SORCS3: variants seen among roughly 807,000 people sequenced by gnomAD.
SORCS3 encodes the protein VPS10 domain-containing receptor SorCS3.
A neutral mutation model predicts 146.3 loss-of-function variants in SORCS3; 57 were observed. The observed-to-expected ratio is 0.39, with a 90% confidence interval of 0.31 to 0.49. SORCS3 has a LOEUF of 0.49. Among genes scored for constraint, SORCS3 ranks in the 20% least tolerant of loss-of-function variants. SORCS3 has a pLI of 0.92. For missense variants in SORCS3, 1,341 were observed against 1,575.5 expected (o/e 0.85, Z 2.52); for synonymous variants, 653 against 618.5 (o/e 1.06, Z -0.83).
chr10:104,892,135 G>C (rs898804013), intron 2 of SORCS3, among the ~76,000 whole-genome samples: 3 of 152,178 alleles, frequency 2.0e-5, no homozygotes, highest in Non-Finnish European at 4.4e-5. Context: ...ATTCCAGCTT[G>C]ATGGTTAAAA....
chr10:105,044,752 G>C (rs754964661), intron 5 of SORCS3, among the ~76,000 whole-genome samples: 2 of 151,674 alleles, frequency 1.3e-5, no homozygotes, highest in Non-Finnish European at 2.9e-5. Context: ...GTAGTTGTGA[G>C]AGAAAAGGGA....
At chr10:104,649,131 G>T (rs1286883111) in intron 1 of SORCS3, among the ~76,000 whole-genome samples, 7 of 152,158 alleles carry the variant, frequency 4.6e-5, no homozygotes, top group African/African-American at 1.7e-4. Context: ...TTTGTGGAGA[G>T]ATTTCATCAT....
At chr10:104,907,947 T>G (rs982915265) in intron 2 of SORCS3, among the ~76,000 whole-genome samples, 3 of 152,256 alleles carry the variant, frequency 2.0e-5, no homozygotes, top group African/African-American at 7.2e-5. Context: ...TTAATGTGAC[T>G]TTGGGCACTG....
intron 1 of SORCS3, among the ~76,000 whole-genome samples, chr10:104,759,381 C>T (rs923495278): frequency 6.6e-6 from 1 of 152,154 alleles, no homozygotes; most frequent in African/African-American, 2.4e-5. Context: ...TCTTAGCAAA[C>T]TCATACACAG....
intron 1 of SORCS3, among the ~76,000 whole-genome samples, chr10:104,776,960 G>T (rs2017315768): frequency 6.6e-6 from 1 of 151,184 alleles, no homozygotes; most frequent in Non-Finnish European, 1.5e-5. Context: ...GAACAAAAAA[G>T]GTACATAAGG....
chr10:104,932,755 C>A (rs529472162), intron 3 of SORCS3, among the ~76,000 whole-genome samples: 1 of 152,122 alleles, frequency 6.6e-6, no homozygotes, highest in African/African-American at 2.4e-5. Context: ...TGCAGTAGAG[C>A]GATCATAGCT....
chr10:105,103,186 T>C (rs1158306408), intron 6 of SORCS3, among the ~76,000 whole-genome samples: 4 of 152,170 alleles, frequency 2.6e-5, no homozygotes, highest in Admixed American at 6.5e-5. Context: ...AATAGGCGAA[T>C]GTTTGCATTT....
intron 2 of SORCS3, among the ~76,000 whole-genome samples, chr10:104,877,808 G>A (rs978325000): frequency 1.3e-5 from 2 of 152,164 alleles, no homozygotes; most frequent in Non-Finnish European, 2.9e-5. Flanking sequence ...ATTTTCCTAA[G>A]TTTTAAAACA....
chr10:104,979,255 T>C (rs1242021701), intron 4 of SORCS3, among the ~76,000 whole-genome samples: 1 of 152,210 alleles, frequency 6.6e-6, no homozygotes, highest in East Asian at 1.9e-4. Flanking sequence ...AATGAATTAG[T>C]GGATGAATGC....
chr10:104,715,578 G>T (rs935281599), intron 1 of SORCS3, among the ~76,000 whole-genome samples: 2 of 152,098 alleles, frequency 1.3e-5, no homozygotes, highest in Admixed American at 1.3e-4. Context: ...GTTTCTGTTT[G>T]TCTGGAGAAC....
intron 1 of SORCS3, among the ~76,000 whole-genome samples, chr10:104,761,633 A>G (rs537391080): frequency 1.3e-5 from 2 of 152,300 alleles, no homozygotes; most frequent in East Asian, 1.9e-4. Context: ...TTGACAGTCT[A>G]ATCTCCCCTT....
chr10:105,164,776 T>C (rs567354701), intron 12 of SORCS3, among the ~76,000 whole-genome samples: 1 of 152,304 alleles, frequency 6.6e-6, no homozygotes, highest in South Asian at 2.1e-4. Flanking sequence ...AATGCAAGGA[T>C]TGGAACATTA....
At chr10:105,205,022 C>A (rs2056594397) in intron 16 of SORCS3, among the ~76,000 whole-genome samples, 1 of 152,178 alleles carries the variant, frequency 6.6e-6, no homozygotes, top group African/African-American at 2.4e-5. Flanking sequence ...GCTAAGGCAT[C>A]TGAAATACCC....
At position 104,894,654 on chromosome 10, in the gene SORCS3, T is replaced by A. The variant is rs1271820729; in HGVS notation, c.696-21179T>A. ...GAAGGACCCATGCACGAGGTATTTC[T>A]GAGCTAGCAAAACTTGGCAGCAATT... On this transcript the variant is annotated intron_variant, in intron 2 of 26. Transcript: ENST00000369701. Among the ~76,000 whole-genome samples the A allele has an allele frequency of 2.6e-5, 4 of 152,156 alleles. No individual in the cohort carries two copies. In the East Asian group the frequency reaches 7.7e-4, roughly 29 times the overall value.
At chr10:104,652,072 T>C (rs991760321) in intron 1 of SORCS3, among the ~76,000 whole-genome samples, 5 of 151,782 alleles carry the variant, frequency 3.3e-5, no homozygotes, top group East Asian at 1.9e-4. Flanking sequence ...TGTGTGTGTG[T>C]GTGTGTGTGT....
At chr10:104,907,476 C>T (rs1331123230) in intron 2 of SORCS3, among the ~76,000 whole-genome samples, 5 of 152,106 alleles carry the variant, frequency 3.3e-5, no homozygotes, top group Non-Finnish European at 7.4e-5. Flanking sequence ...AATATTGGCC[C>T]AACCCCATAT....
intron 14 of SORCS3, among the ~76,000 whole-genome samples, chr10:105,182,404 G>C (rs2056448796): frequency 6.6e-6 from 1 of 151,900 alleles, no homozygotes; most frequent in African/African-American, 2.4e-5. Flanking sequence ...TAAGAGCAAG[G>C]AATGTGAATT....
chr10:104,642,395 C>A (rs2133232004), intron 1 of SORCS3, among the ~76,000 whole-genome samples: 1 of 139,904 alleles, frequency 7.1e-6, no homozygotes, highest in East Asian at 2.3e-4. Flanking sequence ...CACCCCCACC[C>A]CCCCTCCCGT....
chr10:105,071,325 G>A (rs1308201002), intron 5 of SORCS3, among the ~76,000 whole-genome samples: 2 of 152,204 alleles, frequency 1.3e-5, no homozygotes, highest in Non-Finnish European at 2.9e-5. Context: ...TCTGTGTATA[G>A]TTCTGTTTTC....
Sources: allele counts gnomAD v4.1 joint callset (sites outside exome capture counted in the v4.1 genomes callset), GRCh38; gene constraint gnomAD v4.1.1; transcripts MANE v1.5; gene names NCBI Gene and HGNC (gene_info 2026-07-23, HGNC 2026-07-21).